LMBR1: variants seen among roughly 807,000 people sequenced by gnomAD.
LMBR1 encodes limb development membrane protein 1.
Under a neutral mutation model 73.9 loss-of-function variants are expected in LMBR1, and 52 were observed. The observed-to-expected ratio is 0.70, with a 90% CI of 0.56 to 0.89. The LOEUF (loss-of-function observed/expected upper bound fraction) is 0.89. Ranked by LOEUF, LMBR1 falls within the 40% of genes least tolerant of loss-of-function variation. The probability of loss-of-function intolerance (pLI) is 0.00; values close to 1 mark genes in which losing one functional copy is unlikely to be tolerated. For missense variants in LMBR1, 539 were observed against 579.8 expected, an observed-to-expected ratio of 0.93 and a Z score of 0.72; for synonymous variants, 215 against 209.4, an observed-to-expected ratio of 1.03 and a Z score of -0.23.
intron 1 of LMBR1, among the ~76,000 whole-genome samples, chr7:156,853,709 G>C (rs547236221): frequency 6.6e-6 from 1 of 152,246 alleles, no homozygotes; most frequent in East Asian, 1.9e-4. Flanking sequence ...AGACTGGAGT[G>C]CAGTGGCGTG....
At chr7:156,833,835 C>G in intron 2 of LMBR1, 43 bp from the exon 3 acceptor site, 2 of 1,189,820 alleles carry the variant, frequency 1.7e-6, no homozygotes, top group Non-Finnish European at 1.2e-6. Flanking sequence ...TATCTTCTAA[C>G]AAAATGCGTC....
intron 4 of LMBR1, among the ~76,000 whole-genome samples, chr7:156,804,050 G>A (rs1020286295): frequency 6.6e-6 from 1 of 151,526 alleles, no homozygotes; most frequent in African/African-American, 2.4e-5. Context: ...GCTAAATGAG[G>A]AGATGATGGG....
chr7:156,790,177 T>C (rs1424704771), intron 5 of LMBR1, among the ~76,000 whole-genome samples: 1 of 152,166 alleles, frequency 6.6e-6, no homozygotes, highest in Non-Finnish European at 1.5e-5. Flanking sequence ...CAATGTAATT[T>C]TTCATGTCAC....
chr7:156,786,209 G>A (rs1455597719), intron 5 of LMBR1, among the ~76,000 whole-genome samples: 1 of 144,878 alleles, frequency 6.9e-6, no homozygotes, highest in African/African-American at 2.6e-5. Context: ...GAAGGGAAGG[G>A]AAGGAAGGAG....
chr7:156,792,589 G>A (rs1469647724), intron 5 of LMBR1, among the ~76,000 whole-genome samples: 2 of 152,128 alleles, frequency 1.3e-5, no homozygotes, highest in Non-Finnish European at 2.9e-5. Flanking sequence ...AACACACACC[G>A]CTGCCACGGT....
At chr7:156,834,602 C>CA (rs11415353) in intron 2 of LMBR1, 89,685 of 205,734 alleles carry the variant, frequency 0.44, 17,577 homozygotes, top group East Asian at 0.61. Context: ...GATCCTATCT[C>CA]AAAAAAAAAA....
intron 11 of LMBR1, 140 bp from the exon 12 acceptor site, chr7:156,728,147 C>T: frequency 1.7e-6 from 1 of 597,684 alleles, no homozygotes; most frequent in Non-Finnish European, 2.9e-6. Context: ...CTAAAGTAAT[C>T]AGACTACAAA....
At chr7:156,690,463 T>G (rs1286653265) in intron 15 of LMBR1, among the ~76,000 whole-genome samples, 2 of 152,172 alleles carry the variant, frequency 1.3e-5, no homozygotes, top group African/African-American at 4.8e-5. Context: ...CAATACCATA[T>G]AATGAGAAGT....
chr7:156,729,521 T>C (rs1311502755), intron 10 of LMBR1, among the ~76,000 whole-genome samples: 1 of 150,528 alleles, frequency 6.6e-6, no homozygotes, highest in African/African-American at 2.4e-5. Flanking sequence ...TCTCCCAGGC[T>C]GGAGTGCAGT....
intron 9 of LMBR1, among the ~76,000 whole-genome samples, chr7:156,741,602 A>G (rs956430174): frequency 6.6e-6 from 1 of 152,150 alleles, no homozygotes; most frequent in East Asian, 1.9e-4. Context: ...GCAAAAGGGT[A>G]TAACAATTGT....
chr7:156,676,415 G>A (rs911826869), downstream of LMBR1: 28 of 1,613,896 alleles, frequency 1.7e-5, no homozygotes, highest in South Asian at 8.8e-5. Flanking sequence ...CCTGTGTGCC[G>A]CAGGCTCTGC....
chr7:156,777,887 C>T (rs1826438093), intron 5 of LMBR1, among the ~76,000 whole-genome samples: 1 of 152,310 alleles, frequency 6.6e-6, no homozygotes, highest in South Asian at 2.1e-4. Flanking sequence ...TTGTCACCTA[C>T]CTTTCCTGCT....
At position 156,804,359 on chromosome 7, in the gene LMBR1, T is replaced by C. The variant is rs556408622; in HGVS notation, c.320-7867A>G. On this transcript the variant is annotated intron_variant, in intron 4 of 16. Coordinates refer to ENST00000353442, the MANE Select transcript of LMBR1 (RefSeq NM_022458.4). ...AAAATAAAATAGTCATAAATGCTCA[T>C]GTACAAGTCTGTGTAGACCTATGCG... Among the ~76,000 whole-genome samples the C allele has an allele frequency of 1.7e-4, 26 of 152,296 alleles. 1 individual carries two copies. The South Asian group carries it at 4.4e-3, about 25-fold the overall frequency.
In LMBR1 at chr7:156,681,073, C is replaced by T; in HGVS notation, c.*3005G>A. On this transcript the variant is annotated 3_prime_UTR_variant, in exon 17 of 17. Coordinates refer to ENST00000353442, the MANE Select transcript of LMBR1 (RefSeq NM_022458.4). ...CAAGTTTAAAAAGTCGGTGCTGCAT[C>T]TATGTTCACATTAAAAAAAAAAACT... 2.4e-6 allele frequency: 1 copy of T among 410,140 alleles called. No homozygotes were observed. The highest frequency in any genetic ancestry group is 1.8e-5 in the South Asian group (1 of 54,838). The allele number at this position is 410,140 out of a possible 1,614,324, so 25.4% of individuals were successfully genotyped here.
chr7:156,732,901 TGGG>T (rs1817124850), intron 10 of LMBR1, among the ~76,000 whole-genome samples: 1 of 152,172 alleles, frequency 6.6e-6, no homozygotes, highest in South Asian at 2.1e-4. Flanking sequence ...CCCAGTACTT[TGGG>T]AGGCTGACGT....
At chr7:156,711,697 C>T (rs187874305) in intron 15 of LMBR1, among the ~76,000 whole-genome samples, 23 of 152,076 alleles carry the variant, frequency 1.5e-4, no homozygotes, top group Non-Finnish European at 2.8e-4. Context: ...AATAAAGCCA[C>T]GTATTTACAG....
intron 12 of LMBR1, among the ~76,000 whole-genome samples, chr7:156,727,438 G>C (rs1431830275): frequency 6.6e-6 from 1 of 152,040 alleles, no homozygotes; most frequent in Non-Finnish European, 1.5e-5. Flanking sequence ...AGTGGGTTTG[G>C]GTATAAAACT....
At chr7:156,837,333 C>G (rs1837831579) in intron 1 of LMBR1, among the ~76,000 whole-genome samples, 1 of 104,934 alleles carries the variant, frequency 9.5e-6, no homozygotes. Context: ...GAGACTCCAT[C>G]TCAAAAAAAA....
At position 156,746,832 on chromosome 7, in the gene LMBR1, TG is replaced by T. The variant is rs1819945287; in HGVS notation, c.757+9560del. 3.3e-5 allele frequency among the ~76,000 whole-genome samples: 5 copies of T among 152,284 alleles called. No homozygotes were observed. The South Asian group carries it at 1.0e-3, about 32-fold the overall frequency. ...TGCAAACAAATACTGAGGCATTATG[TG>T]GATTTAAGTTATACCAAAAATTTAA... On this transcript the variant is annotated intron_variant, in intron 9 of 16. Transcript: ENST00000353442.
Sources: gnomAD v4.1 joint callset for allele counts (sites outside exome capture counted in the v4.1 genomes callset) on GRCh38, gnomAD v4.1.1 for gene constraint, MANE v1.5 for transcripts, NCBI Gene and HGNC (gene_info 2026-07-23, HGNC 2026-07-21) for gene names.